The following ELMO1 variants were observed in gnomAD, a reference collection of about 807,000 sequenced individuals.
ELMO1 encodes the protein engulfment and cell motility 1, also known as engulfment and cell motility protein 1.
A neutral mutation model predicts 98.9 loss-of-function variants in ELMO1; 26 were observed. The ratio of observed to expected loss-of-function variants is 0.26; its 90% CI spans 0.19 to 0.36. The LOEUF (loss-of-function observed/expected upper bound fraction) is 0.36. ELMO1 is among the 10% of genes least tolerant of loss of function. ELMO1 has a pLI of 1.00. For missense variants in ELMO1, 627 were observed against 935.2 expected (o/e 0.67, Z 4.30); for synonymous variants, 346 against 346.0 (o/e 1.00, Z 0.00).
At chr7:37,107,087 C>A (rs1429869505) in intron 14 of ELMO1, among the ~76,000 whole-genome samples, 1 of 152,198 alleles carries the variant, frequency 6.6e-6, no homozygotes, top group Non-Finnish European at 1.5e-5. Flanking sequence ...TTGACCAATT[C>A]ATTCATTCCA....
At chr7:36,872,694 T>C (rs1419607846) in intron 19 of ELMO1, among the ~76,000 whole-genome samples, 1 of 152,126 alleles carries the variant, frequency 6.6e-6, no homozygotes, top group Non-Finnish European at 1.5e-5. Context: ...GGCTGCCTAA[T>C]CCCTACCGTA....
chr7:36,929,730 T>TA (rs1160972415), intron 16 of ELMO1, among the ~76,000 whole-genome samples: 1 of 152,212 alleles, frequency 6.6e-6, no homozygotes, highest in African/African-American at 2.4e-5. Flanking sequence ...TGGCGATGTA[T>TA]ACTGAAATAT....
At position 37,089,509 on chromosome 7, in the gene ELMO1, C is replaced by T. The variant is rs1246054879; in HGVS notation, c.1300+7110G>A. On this transcript the variant is annotated intron_variant, in intron 15 of 21. Coordinates refer to ENST00000310758, the MANE Select transcript of ELMO1 (RefSeq NM_014800.11). Reference sequence around the variant, plus strand: ...CCTGAGAATAACCCCCACACAAAAGCATAATTGAAGAAGTGGAAATATCCA... The same window carrying T: ...CCTGAGAATAACCCCCACACAAAAGTATAATTGAAGAAGTGGAAATATCCA... Among the ~76,000 whole-genome samples, 4 of 152,152 alleles carry T rather than the reference C, an allele frequency of 2.6e-5. No individual in the cohort carries two copies. In the East Asian group the frequency reaches 7.7e-4, roughly 29 times the overall value.
chr7:36,940,374 T>C (rs989211428), intron 16 of ELMO1, among the ~76,000 whole-genome samples: 1 of 152,168 alleles, frequency 6.6e-6, no homozygotes, highest in Admixed American at 6.5e-5. Flanking sequence ...ATTTCTACAG[T>C]GGGACTTAAG....
Position 37,305,176 on chromosome 7 carries a change from C to G in ELMO1, c.192+9674G>C, listed in dbSNP as rs147982878. 1.2e-3 allele frequency among the ~76,000 whole-genome samples: 183 copies of G among 152,198 alleles called. 9 individuals are homozygous for G. In the East Asian group the frequency reaches 0.032, roughly 27 times the overall value. ...CATGTGATTATTAATGGATCTTAGCCTAGGGTGAAATAAAGTAAAACTCAC... is the reference window on the plus strand; with the variant it reads ...CATGTGATTATTAATGGATCTTAGCGTAGGGTGAAATAAAGTAAAACTCAC... On this transcript the variant is annotated intron_variant, in intron 4 of 21. Transcript: ENST00000310758.
chr7:37,405,434 A>G (rs1803715535), intron 1 of ELMO1, among the ~76,000 whole-genome samples: 1 of 152,326 alleles, frequency 6.6e-6, no homozygotes, highest in African/African-American at 2.4e-5. Flanking sequence ...GAAACACAAA[A>G]TCCAGATAGG....
intron 16 of ELMO1, among the ~76,000 whole-genome samples, chr7:36,991,592 CT>C (rs1444977211): frequency 6.6e-6 from 1 of 152,124 alleles, no homozygotes; most frequent in African/African-American, 2.4e-5. Flanking sequence ...TCTTTTTATC[CT>C]CAAAGGGAGA....
chr7:37,229,258 G>C (rs1245775359), intron 8 of ELMO1, among the ~76,000 whole-genome samples: 1 of 152,012 alleles, frequency 6.6e-6, no homozygotes, highest in African/African-American at 2.4e-5. Flanking sequence ...CTTGGCTAGG[G>C]AAAAACCAAC....
intron 8 of ELMO1, among the ~76,000 whole-genome samples, chr7:37,232,284 A>G (rs1458866918): frequency 6.6e-6 from 1 of 152,226 alleles, no homozygotes; most frequent in Non-Finnish European, 1.5e-5. Context: ...ATGAATTCCA[A>G]ACATCTCTTT....
chr7:37,241,560 T>C (rs1031573085), intron 7 of ELMO1, among the ~76,000 whole-genome samples: 1 of 152,204 alleles, frequency 6.6e-6, no homozygotes, highest in Admixed American at 6.5e-5. Flanking sequence ...TTGTCTTAAC[T>C]ATATTTTATT....
chr7:37,204,176 G>C (rs1310940549), intron 13 of ELMO1: 1 of 456,468 alleles, frequency 2.2e-6, no homozygotes, highest in Admixed American at 2.3e-5. Flanking sequence ...TGGCCAAAAT[G>C]TGTCTGGAAT....
chr7:36,893,237 A>T (rs754033634), intron 17 of ELMO1, among the ~76,000 whole-genome samples: 3 of 152,188 alleles, frequency 2.0e-5, no homozygotes, highest in Admixed American at 1.3e-4. Context: ...GAAATCCAGT[A>T]CACTGTAGGC....
intron 16 of ELMO1, among the ~76,000 whole-genome samples, chr7:36,919,783 T>G (rs1784998038): frequency 6.6e-6 from 1 of 152,118 alleles, no homozygotes; most frequent in South Asian, 2.1e-4. Flanking sequence ...AAAGCTCCCA[T>G]CAGAATGGGA....
At chr7:37,242,488 C>T (rs891925294) in intron 7 of ELMO1, among the ~76,000 whole-genome samples, 2 of 152,084 alleles carry the variant, frequency 1.3e-5, no homozygotes, top group African/African-American at 4.8e-5. Flanking sequence ...TCGTCTTTTC[C>T]TATTTCCTTA....
chr7:37,263,236 C>A (rs940545686), intron 5 of ELMO1, among the ~76,000 whole-genome samples: 2 of 150,982 alleles, frequency 1.3e-5, no homozygotes, highest in Non-Finnish European at 2.9e-5. Flanking sequence ...TCAGTTATTG[C>A]AGATCACTCT....
intron 17 of ELMO1, among the ~76,000 whole-genome samples, chr7:36,889,521 A>C (rs1805369010): frequency 6.6e-6 from 1 of 152,264 alleles, no homozygotes; most frequent in Non-Finnish European, 1.5e-5. Flanking sequence ...GAGGATGGAG[A>C]AAATCTGGGA....
chr7:37,067,013 T>A (rs1434306145), intron 15 of ELMO1, among the ~76,000 whole-genome samples: 1 of 152,076 alleles, frequency 6.6e-6, no homozygotes, highest in Non-Finnish European at 1.5e-5. Flanking sequence ...AGGAGTAAAT[T>A]CTCTATCTGG....
intron 13 of ELMO1, among the ~76,000 whole-genome samples, chr7:37,199,001 G>A (rs79561088): frequency 2.9e-4 from 44 of 152,246 alleles, no homozygotes; most frequent in African/African-American, 1.0e-3. Context: ...AGTGCCATCA[G>A]CCTGCAGAGT....
chr7:36,950,887 G>A (rs1027291678), intron 16 of ELMO1, among the ~76,000 whole-genome samples: 6 of 152,140 alleles, frequency 3.9e-5, no homozygotes, highest in Non-Finnish European at 5.9e-5. Flanking sequence ...GAGGAAGGCC[G>A]AGAGGGCGTG....
Sources: gnomAD v4.1 joint callset for allele counts (sites outside exome capture counted in the v4.1 genomes callset) on GRCh38, gnomAD v4.1.1 for gene constraint, MANE v1.5 for transcripts, NCBI Gene and HGNC (gene_info 2026-07-23, HGNC 2026-07-21) for gene names.